The following EPB41L4A variants were observed in gnomAD, a reference collection of about 807,000 sequenced individuals.
EPB41L4A encodes the protein band 4.1-like protein 4A.
EPB41L4A carries 100 observed loss-of-function variants against 108.6 expected under a neutral mutation model. The observed-to-expected ratio is 0.92, with a 90% confidence interval of 0.78 to 1.09. The LOEUF (loss-of-function observed/expected upper bound fraction) is 1.09. Ranked by LOEUF, EPB41L4A falls within the 50% of genes least tolerant of loss-of-function variation. EPB41L4A has a pLI of 0.00. For synonymous variants in EPB41L4A, 319 were observed against 289.0 expected (o/e 1.10, Z -1.05); for missense variants, 1,030 against 842.7 (o/e 1.22, Z -2.75).
chr5:112,234,217 A>T (rs955042537), intron 12 of EPB41L4A, among the ~76,000 whole-genome samples: 3 of 143,974 alleles, frequency 2.1e-5, no homozygotes, highest in African/African-American at 7.4e-5. Flanking sequence ...AAATATAAAT[A>T]AAATAAAATA....
intron 12 of EPB41L4A, among the ~76,000 whole-genome samples, chr5:112,218,872 T>C (rs550929972): frequency 8.5e-5 from 13 of 152,096 alleles, no homozygotes; most frequent in Non-Finnish European, 1.9e-4. Flanking sequence ...ATACCTAAAA[T>C]TTTTCATGAA....
At chr5:112,238,074 A>T (rs980373317) in intron 11 of EPB41L4A, among the ~76,000 whole-genome samples, 4 of 152,210 alleles carry the variant, frequency 2.6e-5, no homozygotes, top group Non-Finnish European at 4.4e-5. Flanking sequence ...GTGGAAGCCA[A>T]CAACAGCGTA....
intron 2 of EPB41L4A, among the ~76,000 whole-genome samples, chr5:112,307,136 A>T (rs1265147024): frequency 3.9e-5 from 6 of 152,208 alleles, no homozygotes; most frequent in African/African-American, 1.4e-4. Flanking sequence ...TAAGGTTGCA[A>T]ATCTGGAAAC....
intron 18 of EPB41L4A, among the ~76,000 whole-genome samples, chr5:112,172,282 G>A (rs891416220): frequency 6.6e-5 from 10 of 152,144 alleles, no homozygotes; most frequent in Non-Finnish European, 1.2e-4. Flanking sequence ...AGGCCAAGGT[G>A]GGTGGATCAC....
chr5:112,220,903 C>G (rs1011250318), intron 12 of EPB41L4A, among the ~76,000 whole-genome samples: 3 of 152,184 alleles, frequency 2.0e-5, no homozygotes, highest in Non-Finnish European at 4.4e-5. Flanking sequence ...GCTAAGCCCC[C>G]CTCCAGGTTA....
chr5:112,223,106 G>A (rs148112402), intron 12 of EPB41L4A, among the ~76,000 whole-genome samples: 100 of 151,904 alleles, frequency 6.6e-4, no homozygotes, highest in African/African-American at 2.2e-3. Flanking sequence ...TGTCCAGCTA[G>A]CTTTTGTATT....
chr5:112,186,820 G>A (rs994008079), intron 17 of EPB41L4A, among the ~76,000 whole-genome samples: 1 of 152,124 alleles, frequency 6.6e-6, no homozygotes, highest in Non-Finnish European at 1.5e-5. Flanking sequence ...AAAAACACAG[G>A]TGCTACTTGG....
At chr5:112,335,231 G>C (rs1324429906) in intron 1 of EPB41L4A, among the ~76,000 whole-genome samples, 4 of 152,196 alleles carry the variant, frequency 2.6e-5, no homozygotes, top group Admixed American at 1.3e-4. Flanking sequence ...AACTGTGCTA[G>C]AGTCTGTATC....
intron 4 of EPB41L4A, among the ~76,000 whole-genome samples, chr5:112,268,242 G>C (rs1421281530): frequency 1.3e-5 from 2 of 152,198 alleles, no homozygotes; most frequent in African/African-American, 4.8e-5. Context: ...GTTAGGAGTG[G>C]TGGCGCATGC....
intron 17 of EPB41L4A, 103 bp from the exon 18 acceptor site, chr5:112,184,238 T>C (rs1761314242): frequency 7.3e-7 from 1 of 1,362,404 alleles, no homozygotes; most frequent in Non-Finnish European, 1.0e-6. Context: ...GCAGAAATTT[T>C]ATTATGATCA....
chr5:112,173,128 T>A (rs546319518), intron 18 of EPB41L4A, among the ~76,000 whole-genome samples: 2 of 152,324 alleles, frequency 1.3e-5, no homozygotes, highest in South Asian at 4.1e-4. Flanking sequence ...GCCAAGTTTT[T>A]GTAAAGATCC....
chr5:112,333,405 G>A (rs1226246900), intron 1 of EPB41L4A, among the ~76,000 whole-genome samples: 4 of 152,198 alleles, frequency 2.6e-5, no homozygotes, highest in African/African-American at 9.7e-5. Flanking sequence ...GCAGGAAGCT[G>A]CAGCCAGTCT....
At chr5:112,155,261 C>T (rs1327006329) in intron 12 of EPB41L4A, among the ~76,000 whole-genome samples, 1 of 151,874 alleles carries the variant, frequency 6.6e-6, no homozygotes, top group East Asian at 1.9e-4. Context: ...TTTAGGACCA[C>T]AACATCACAA....
At chr5:112,215,481 G>T (rs1747553638) in intron 12 of EPB41L4A, among the ~76,000 whole-genome samples, 1 of 152,134 alleles carries the variant, frequency 6.6e-6, no homozygotes, top group African/African-American at 2.4e-5. Flanking sequence ...GACAAAGCTT[G>T]CTCGGGCGCG....
intron 1 of EPB41L4A, among the ~76,000 whole-genome samples, chr5:112,375,913 G>A (rs1759790529): frequency 6.6e-6 from 1 of 152,174 alleles, no homozygotes; most frequent in African/African-American, 2.4e-5. Flanking sequence ...GGGAGTGAAT[G>A]ACTGACAATG....
intron 1 of EPB41L4A, among the ~76,000 whole-genome samples, chr5:112,314,438 C>T (rs996426426): frequency 4.6e-5 from 6 of 131,640 alleles, no homozygotes; most frequent in Non-Finnish European, 9.3e-5. Context: ...GACGTCGAGG[C>T]GGGTGGATCA....
At chr5:112,173,087 G>C (rs185710046) in intron 18 of EPB41L4A, among the ~76,000 whole-genome samples, 1 of 152,316 alleles carries the variant, frequency 6.6e-6, no homozygotes, top group African/African-American at 2.4e-5. Context: ...GTATGACCTA[G>C]GAATTAAGTG....
chr5:112,398,136 G>T (rs1022669030), intron 1 of EPB41L4A, among the ~76,000 whole-genome samples: 1 of 152,156 alleles, frequency 6.6e-6, no homozygotes, highest in Non-Finnish European at 1.5e-5. Context: ...CACAGCTTTC[G>T]AGATGGAAGG....
intron 1 of EPB41L4A, among the ~76,000 whole-genome samples, chr5:112,334,758 T>A (rs1470097865): frequency 6.6e-6 from 1 of 152,162 alleles, no homozygotes; most frequent in African/African-American, 2.4e-5. Flanking sequence ...CTTGGGCGCA[T>A]GTTCTCAGGA....
Sources: gnomAD v4.1 joint callset for allele counts (sites outside exome capture counted in the v4.1 genomes callset) on GRCh38, gnomAD v4.1.1 for gene constraint, MANE v1.5 for transcripts, NCBI Gene and HGNC (gene_info 2026-07-23, HGNC 2026-07-21) for gene names.